ATP8B4: variants seen among roughly 807,000 people sequenced by gnomAD.
ATP8B4 encodes the protein ATPase phospholipid transporting 8B4 (putative).
In ATP8B4, 133 loss-of-function variants were observed where a neutral mutation model predicts 145.6. The observed-to-expected ratio is 0.91, with a 90% confidence interval of 0.79 to 1.05. ATP8B4 has a LOEUF of 1.05. Ranked by LOEUF, ATP8B4 falls within the 50% of genes least tolerant of loss-of-function variation. ATP8B4 has a pLI of 0.00. For missense variants in ATP8B4, 1,458 were observed against 1,425.2 expected, an observed-to-expected ratio of 1.02 and a Z score of -0.37; for synonymous variants, 507 against 492.9, an observed-to-expected ratio of 1.03 and a Z score of -0.38.
intron 3 of ATP8B4, among the ~76,000 whole-genome samples, chr15:50,071,455 C>G (rs781037253): frequency 3.9e-5 from 6 of 152,196 alleles, no homozygotes; most frequent in African/African-American, 1.4e-4. Flanking sequence ...AAGGAAAATA[C>G]TTGTTGCATA....
chr15:49,961,870 T>A, intron 14 of ATP8B4, 107 bp downstream of exon 14: 1 of 909,756 alleles, frequency 1.1e-6, no homozygotes, highest in African/African-American at 1.7e-5. Context: ...GCATTAAGTA[T>A]CTCATCTGGT....
chr15:49,892,943 G>A (rs1353438271), intron 23 of ATP8B4, among the ~76,000 whole-genome samples: 2 of 152,174 alleles, frequency 1.3e-5, no homozygotes, highest in African/African-American at 4.8e-5. Context: ...AATCTCTCTT[G>A]AAAACTTGGA....
intron 16 of ATP8B4, among the ~76,000 whole-genome samples, chr15:49,928,467 G>A (rs999266326): frequency 6.6e-6 from 1 of 152,056 alleles, no homozygotes; most frequent in African/African-American, 2.4e-5. Context: ...TAGAAGAAAA[G>A]TAGATTGAGA....
chr15:49,859,634 T>A lies in ATP8B4; in HGVS notation c.*560A>T, dbSNP rs1354639697. Reference sequence around the variant, plus strand: ...AGCACACTTTTGTATTCTTCAGGCTTGGAAGCCATTTGTTGTCCTGGCTGA... The same window carrying A: ...AGCACACTTTTGTATTCTTCAGGCTAGGAAGCCATTTGTTGTCCTGGCTGA... On this transcript the variant is annotated 3_prime_UTR_variant, in exon 28 of 28. Coordinates refer to ENST00000284509, the MANE Select transcript of ATP8B4 (RefSeq NM_024837.4). 2 of 152,556 alleles carry A rather than the reference T, an allele frequency of 1.3e-5. No individual in the cohort carries two copies. Among genetic ancestry groups the A allele is most frequent in the Non-Finnish European group, 2.9e-5 (2 of 68,322 alleles). The allele number at this position is 152,556 out of a possible 1,614,324, so 9.5% of individuals were successfully genotyped here.
intron 17 of ATP8B4, among the ~76,000 whole-genome samples, chr15:49,922,893 A>G: frequency 6.6e-6 from 1 of 152,204 alleles, no homozygotes; most frequent in East Asian, 1.9e-4. Context: ...TGACCTGAAT[A>G]AAAAGACCCT....
Position 50,029,216 on chromosome 15 carries a change from G to C in ATP8B4, c.362+9552C>G, listed in dbSNP as rs183115307. On this transcript the variant is annotated intron_variant, in intron 6 of 27. Transcript: ENST00000284509. The stretch of plus-strand genomic sequence containing the variant: ...CCACACGCCACTGCACTCCAGCCTG[G>C]CAACAGAGCAAGACTCCATCTTAAA... Among the ~76,000 whole-genome samples the C allele has an allele frequency of 4.1e-3, 466 of 113,880 alleles. 1 individual carries two copies. The highest frequency in any genetic ancestry group is 7.2e-3 in the Admixed American group (69 of 9,556). 74.7% of individuals were successfully genotyped at this position (113,880 alleles called of 152,430 possible).
intron 21 of ATP8B4, among the ~76,000 whole-genome samples, chr15:49,898,927 C>T (rs1181068886): frequency 6.6e-6 from 1 of 152,164 alleles, no homozygotes; most frequent in Non-Finnish European, 1.5e-5. Context: ...AGCACAATCC[C>T]TTCCAATTAA....
chr15:49,917,166 A>G, intron 19 of ATP8B4, 127 bp from the exon 20 acceptor site: 1 of 769,830 alleles, frequency 1.3e-6, no homozygotes, highest in Non-Finnish European at 2.1e-6. Flanking sequence ...CAGAGAGAGC[A>G]CAACAGGTGA....
At chr15:50,066,899 T>C (rs2053420718) in intron 3 of ATP8B4, among the ~76,000 whole-genome samples, 1 of 152,098 alleles carries the variant, frequency 6.6e-6, no homozygotes, top group African/African-American at 2.4e-5. Context: ...TTAAAGATGT[T>C]TTCCCTTAGT....
chr15:50,110,778 C>A (rs1012463367), intron 1 of ATP8B4, among the ~76,000 whole-genome samples: 1 of 152,106 alleles, frequency 6.6e-6, no homozygotes, highest in Non-Finnish European at 1.5e-5. Context: ...TAGAGGGTTG[C>A]TTTTAATAAG....
chr15:49,890,492 G>T (rs1271453196), intron 23 of ATP8B4, among the ~76,000 whole-genome samples: 1 of 152,136 alleles, frequency 6.6e-6, no homozygotes, highest in Non-Finnish European at 1.5e-5. Context: ...GCTATCTAAG[G>T]GGCTTTAGGG....
At chr15:50,171,370 G>A (rs2044672368) in intron 1 of ATP8B4, among the ~76,000 whole-genome samples, 1 of 152,132 alleles carries the variant, frequency 6.6e-6, no homozygotes, top group Non-Finnish European at 1.5e-5. Context: ...TCAGACCACA[G>A]TGGAATAAAA....
intron 3 of ATP8B4, among the ~76,000 whole-genome samples, chr15:50,070,462 G>A (rs181978973): frequency 1.6e-4 from 25 of 152,274 alleles, no homozygotes; most frequent in African/African-American, 5.8e-4. Flanking sequence ...AGAATAGACT[G>A]AGGCTGAGAG....
At chr15:49,920,482 A>G in intron 17 of ATP8B4, 72 bp from the exon 18 acceptor site, 1 of 1,452,926 alleles carries the variant, frequency 6.9e-7, no homozygotes, top group Non-Finnish European at 9.2e-7. Context: ...AACAAAAATA[A>G]TTGGTGAGAA....
chr15:50,140,321 A>G (rs940881217), intron 1 of ATP8B4, among the ~76,000 whole-genome samples: 1 of 152,152 alleles, frequency 6.6e-6, no homozygotes, highest in African/African-American at 2.4e-5. Flanking sequence ...CAAGCTGAAC[A>G]CTCCAGGCCC....
chr15:49,901,153 T>A lies in ATP8B4; in HGVS notation c.2228A>T (p.Asp743Val). 1 of 1,613,578 alleles carries A rather than the reference T, an allele frequency of 6.2e-7. No homozygotes were observed. The highest frequency in any genetic ancestry group is 8.5e-7 in the Non-Finnish European group (1 of 1,179,604). ...TGTTATGGTTTCTTCTACAATAGAATCCAACTCCAGCTGCTGCTTTTTTTC... is the reference window on the plus strand; with the variant it reads ...TGTTATGGTTTCTTCTACAATAGAAACCAACTCCAGCTGCTGCTTTTTTTC... Reference protein sequence around the residue: ...VCEKKQQLELDSIVEETITGD... With the variant: ...VCEKKQQLELVSIVEETITGD... Residue 743 changes from aspartate to valine, a missense_variant, in exon 21 of 28, where the codon GAT (aspartate) becomes GTT (valine). Physicochemically the swap from Asp to Val is radical, Grantham distance 152. Coordinates refer to ENST00000284509, the MANE Select transcript of ATP8B4 (RefSeq NM_024837.4).
At position 49,931,370 on chromosome 15, in the gene ATP8B4, T is replaced by A. The variant is rs531925875; in HGVS notation, c.1454-63A>T. 3.4e-6 allele frequency: 5 copies of A among 1,476,906 alleles called. No individual in the cohort carries two copies. In the East Asian group the frequency reaches 9.2e-5, roughly 27 times the overall value. The allele number at this position is 1,476,906 out of a possible 1,614,324, so 91.5% of individuals were successfully genotyped here. A position where few individuals can be genotyped will look rare whatever the true frequency, so the allele number is the denominator to read the frequency against. ...ACAGCTAACATTCATAGAGTTCCAA[T>A]GCCAACTCCAACTCAGTATTTAACA... On this transcript the variant is annotated intron_variant, in intron 15 of 27. Coordinates refer to ENST00000284509, the MANE Select transcript of ATP8B4 (RefSeq NM_024837.4).
intron 24 of ATP8B4, chr15:49,876,799 C>A: frequency 1.8e-6 from 1 of 563,050 alleles, no homozygotes; most frequent in Non-Finnish European, 3.3e-6. Flanking sequence ...TTGGTTTGAG[C>A]CTAGCTATTT....
chr15:50,045,707 G>A (rs1198488504), intron 4 of ATP8B4, among the ~76,000 whole-genome samples: 3 of 152,180 alleles, frequency 2.0e-5, no homozygotes, highest in Non-Finnish European at 4.4e-5. Flanking sequence ...CATGGTGAAA[G>A]CTTTACCACC....
Sources: gnomAD v4.1 joint callset for allele counts (sites outside exome capture counted in the v4.1 genomes callset) on GRCh38, gnomAD v4.1.1 for gene constraint, MANE v1.5 for transcripts, NCBI Gene and HGNC (gene_info 2026-07-23, HGNC 2026-07-21) for gene names.